The following HCN4 variants were observed in gnomAD, a reference collection of about 807,000 sequenced individuals.
HCN4 encodes the protein potassium/sodium hyperpolarization-activated cyclic nucleotide-gated channel 4.
In HCN4, 29 loss-of-function variants were observed where a neutral mutation model predicts 76.9. The ratio of observed to expected loss-of-function variants is 0.38; its 90% CI spans 0.28 to 0.51. The LOEUF (loss-of-function observed/expected upper bound fraction) is 0.51, where lower values mean the gene tolerates loss of function less well. Among genes scored for constraint, HCN4 ranks in the 20% least tolerant of loss-of-function variants. HCN4 has a pLI of 0.90. For synonymous variants in HCN4, 772 were observed against 762.5 expected (o/e 1.01, Z -0.21); for missense variants, 1,416 against 1,715.2 (o/e 0.83, Z 3.08).
chr15:73,348,361 C>G (rs933821720), intron 1 of HCN4, among the ~76,000 whole-genome samples: 1 of 152,240 alleles, frequency 6.6e-6, no homozygotes, highest in African/African-American at 2.4e-5. Flanking sequence ...CATATATACA[C>G]GCATGCACAT....
intron 3 of HCN4, among the ~76,000 whole-genome samples, chr15:73,331,566 G>T (rs936036515): frequency 2.6e-5 from 4 of 152,026 alleles, no homozygotes; most frequent in African/African-American, 9.7e-5. Flanking sequence ...TGTACAGCCG[G>T]GACACATGTG....
At chr15:73,344,316 C>T (rs556733058) in intron 1 of HCN4, among the ~76,000 whole-genome samples, 1 of 152,256 alleles carries the variant, frequency 6.6e-6, no homozygotes, top group South Asian at 2.1e-4. Flanking sequence ...GGCAGGAGGC[C>T]CAGGCTCCGG....
chr15:73,330,419 G>A (rs1416556443), intron 3 of HCN4, among the ~76,000 whole-genome samples: 3 of 152,240 alleles, frequency 2.0e-5, no homozygotes, highest in African/African-American at 7.2e-5. Flanking sequence ...GACAGGAGGA[G>A]GGAAGCTCTT....
Position 73,323,919 on chromosome 15 carries a change from A to T in HCN4, c.2174T>A (p.Val725Asp). Residue 725 changes from valine (V) to aspartate (D), a missense_variant, in exon 8 of 8, where the codon GTC becomes GAC. Around this residue, in one of 6 missense-constraint regions of HCN4, gnomAD observed 241 missense variants for 379.4 expected, o/e 0.64. Coordinates refer to ENST00000261917, the MANE Select transcript of HCN4 (RefSeq NM_005477.3). ...GACGCCGGAGTTGAGGTCGTGCTGG[A>T]CTTTGTGGAGGAGGATGGAGTTCTT... is the stretch of plus-strand genomic sequence containing the variant. ...GKKNSILLHK[V>D]QHDLNSGVFN... 1 of 1,604,192 alleles carries T rather than the reference A, an allele frequency of 6.2e-7. No individual in the cohort carries two copies. The highest frequency in any genetic ancestry group is 8.5e-7 in the Non-Finnish European group (1 of 1,179,934).
chr15:73,330,218 G>T (rs529472783), intron 3 of HCN4, among the ~76,000 whole-genome samples: 1 of 152,366 alleles, frequency 6.6e-6, no homozygotes, highest in African/African-American at 2.4e-5. Context: ...AACCAGATAT[G>T]CTTCCCTTGG....
At chr15:73,354,957 G>C (rs143354463) in intron 1 of HCN4, among the ~76,000 whole-genome samples, 1 of 152,216 alleles carries the variant, frequency 6.6e-6, no homozygotes, top group East Asian at 1.9e-4. Flanking sequence ...GGCAGATGGG[G>C]CCATGAGCCA....
rs1206437469 is a variant in HCN4 at position 73,321,294 on chromosome 15, AAC to A, written c.*1185_*1186del. The A allele has an allele frequency of 1.3e-5, 2 of 152,150 alleles. No homozygotes were observed. Among genetic ancestry groups the A allele is most frequent in the African/African-American group, 4.8e-5 (2 of 41,424 alleles). The allele number at this position is 152,150 out of a possible 1,614,324, so 9.4% of individuals were successfully genotyped here. A position where few individuals can be genotyped will look rare whatever the true frequency, so the allele number is the denominator to read the frequency against. ...GGGACCATCTACCTCAGCCCCCCTC[AAC>A]ACAGTTTTCTGATGGAAGGAACACA... On this transcript the variant is annotated 3_prime_UTR_variant, in exon 8 of 8. Transcript: ENST00000261917.
chr15:73,332,421 C>A lies in HCN4; in HGVS notation c.1210-129G>T, dbSNP rs1051171274. 1.0e-5 allele frequency: 9 copies of A among 888,862 alleles called. No individual in the cohort carries two copies. In the African/African-American group the frequency reaches 1.5e-4, roughly 15 times the overall value. 55.1% of individuals were successfully genotyped at this position (888,862 alleles called of 1,614,324 possible). A position where few individuals can be genotyped will look rare whatever the true frequency, so the allele number is the denominator to read the frequency against. On this transcript the variant is annotated intron_variant, in intron 2 of 7. Transcript: ENST00000261917. ...GACTCTGCAGGGCGCCCACTCAGTGCAAATCCAGGCTGGGGGTGGGATGGG... is the reference window on the plus strand; with the variant it reads ...GACTCTGCAGGGCGCCCACTCAGTGAAAATCCAGGCTGGGGGTGGGATGGG...
At chr15:73,330,516 T>G (rs1452268061) in intron 3 of HCN4, among the ~76,000 whole-genome samples, 1 of 152,166 alleles carries the variant, frequency 6.6e-6, no homozygotes. Flanking sequence ...CTCTTGAATT[T>G]AGTGCATGTG....
chr15:73,344,821 G>A (rs1432908616), intron 1 of HCN4, among the ~76,000 whole-genome samples: 2 of 152,168 alleles, frequency 1.3e-5, no homozygotes, highest in African/African-American at 4.8e-5. Context: ...AACAACACAG[G>A]TGGCCAAGAC....
chr15:73,322,433 G>T lies in HCN4; in HGVS notation c.*48C>A. On this transcript the variant is annotated 3_prime_UTR_variant, in exon 8 of 8. Coordinates refer to ENST00000261917, the MANE Select transcript of HCN4 (RefSeq NM_005477.3). ...CTAATCACAGTTAAACCTGAAGGAA[G>T]AAGGAAGGGAGAGAAAAGAAGAAAG... The T allele has an allele frequency of 7.1e-7, 1 of 1,417,052 alleles. No individual in the cohort carries two copies. The highest frequency in any genetic ancestry group is 9.7e-7 in the Non-Finnish European group (1 of 1,028,844). The allele number at this position is 1,417,052 out of a possible 1,614,324, so 87.8% of individuals were successfully genotyped here.
At chr15:73,348,458 AAC>A (rs1198818192) in intron 1 of HCN4, among the ~76,000 whole-genome samples, 2 of 152,240 alleles carry the variant, frequency 1.3e-5, no homozygotes, top group African/African-American at 4.8e-5. Flanking sequence ...ATTTTTTGTA[AAC>A]ACGCTCTTGC....
At chr15:73,364,902 C>T (rs2151227482) in intron 1 of HCN4, among the ~76,000 whole-genome samples, 1 of 152,352 alleles carries the variant, frequency 6.6e-6, no homozygotes, top group Admixed American at 6.5e-5. Flanking sequence ...CCCTGAACTC[C>T]AAACCGCAAA....
intron 1 of HCN4, among the ~76,000 whole-genome samples, chr15:73,365,965 A>G (rs1323884102): frequency 6.6e-6 from 1 of 152,192 alleles, no homozygotes; most frequent in Non-Finnish European, 1.5e-5. Context: ...AGCTCGGCCC[A>G]GGATCCTCAG....
At chr15:73,359,909 T>C (rs993506208) in intron 1 of HCN4, among the ~76,000 whole-genome samples, 4 of 152,176 alleles carry the variant, frequency 2.6e-5, no homozygotes, top group African/African-American at 9.7e-5. Context: ...CCGCCATCCA[T>C]GAACAGGGGC....
At chr15:73,355,577 T>C (rs2043074624) in intron 1 of HCN4, among the ~76,000 whole-genome samples, 2 of 152,174 alleles carry the variant, frequency 1.3e-5, no homozygotes, top group Admixed American at 6.5e-5. Flanking sequence ...GGGAAAGTTA[T>C]AGAGGAAGAG....
chr15:73,353,327 T>C (rs1208342069), intron 1 of HCN4, among the ~76,000 whole-genome samples: 1 of 152,132 alleles, frequency 6.6e-6, no homozygotes, highest in Non-Finnish European at 1.5e-5. Context: ...ACGATCCTGG[T>C]CCCCAGATGG....
In HCN4 at chr15:73,325,423, T is replaced by C. The variant is rs375571257; in HGVS notation, c.1612A>G (p.Met538Val). Residue 538 changes from methionine to valine, a missense_variant, in exon 5 of 8, where the codon ATG becomes GTG. Met to Val is a conservative substitution (Grantham distance 21). Coordinates refer to ENST00000261917, the MANE Select transcript of HCN4 (RefSeq NM_005477.3). This position sits in a 1 kb window ranked among gnomAD's most constrained non-coding sequence, Gnocchi z 7.4. ...QEKYKQVEQY[M>V]SFHKLPPDTR... The stretch of plus-strand genomic sequence containing the variant: ...TCGGGCGGGAGCTTGTGAAAGGACA[T>C]GTACTGCTCCACCTGCTTGTACTGA... 1.3e-5 allele frequency: 21 copies of C among 1,613,976 alleles called. No individual in the cohort carries two copies. Among genetic ancestry groups the C allele is most frequent in the East Asian group, 2.2e-5 (1 of 44,884 alleles).
intron 2 of HCN4, among the ~76,000 whole-genome samples, chr15:73,341,803 G>A (rs895425534): frequency 6.6e-6 from 1 of 152,202 alleles, no homozygotes; most frequent in East Asian, 1.9e-4. Context: ...TGCCATGGAG[G>A]GACGCTGCCA....
Sources: gnomAD v4.1 joint callset for allele counts (sites outside exome capture counted in the v4.1 genomes callset) on GRCh38, gnomAD v4.1.1 for gene constraint, gnomAD v4.1.1 regional missense constraint, Gnocchi (gnomAD v3.1) non-coding constraint, MANE v1.5 for transcripts, NCBI Gene and HGNC (gene_info 2026-07-23, HGNC 2026-07-21) for gene names.